The following SYTL3 variants were observed in gnomAD, a reference collection of about 807,000 sequenced individuals.
The protein encoded by SYTL3 is synaptotagmin-like protein 3.
A neutral mutation model predicts 82.1 loss-of-function variants in SYTL3; 88 were observed. The ratio of observed to expected loss-of-function variants is 1.07; its 90% CI spans 0.90 to 1.28. The LOEUF is 1.28. Among genes scored for constraint, SYTL3 ranks in the 50% most tolerant of loss-of-function variants. SYTL3 has a pLI of 0.00. For synonymous variants in SYTL3, 311 were observed against 289.4 expected (o/e 1.07, Z -0.76); for missense variants, 831 against 757.6 (o/e 1.10, Z -1.14).
At position 158,665,432 on chromosome 6, in the gene SYTL3, G is replaced by A; in HGVS notation, c.148G>A (p.Gly50Arg). Reference sequence around the variant, plus strand: ...ACACCTGCAGCATCTCCGGTGGAAAGGAGCGAAGAACACGGACTGGGAGCA... The same window carrying A: ...ACACCTGCAGCATCTCCGGTGGAAAAGAGCGAAGAACACGGACTGGGAGCA... ...KTHLQHLRWK[G>R]AKNTDWEHKE... Residue 50 changes from glycine to arginine, a missense_variant, in exon 5 of 18, where the codon GGA becomes AGA. Gly to Arg is a moderately radical substitution (Grantham distance 125). Transcript: ENST00000611299. 6.2e-7 allele frequency: 1 copy of A among 1,606,792 alleles called. No homozygotes were observed. The highest frequency in any genetic ancestry group is 1.1e-5 in the South Asian group (1 of 89,652).
Position 158,745,545 on chromosome 6 carries a change from T to C in SYTL3, c.921T>C (p.Thr307=). 1 of 1,613,818 alleles carries C rather than the reference T, an allele frequency of 6.2e-7. No individual in the cohort carries two copies. Among genetic ancestry groups the C allele is most frequent in the South Asian group, 1.1e-5 (1 of 91,064 alleles). Residue 307 remains threonine (T), a synonymous_variant, in exon 12 of 18, where the codon ACT becomes ACC. Coordinates refer to ENST00000611299, the MANE Select transcript of SYTL3 (RefSeq NM_001242394.2). Reference sequence around the variant, plus strand: ...GCAATTTTGACAATGCTAATGTCACTGGAGAAATAGAATTTGCCATTCATT... The same window carrying C: ...GCAATTTTGACAATGCTAATGTCACCGGAGAAATAGAATTTGCCATTCATT... ...EMGNFDNANV[T]GEIEFAIHYC...
At chr6:158,729,109 G>C (rs962937309) in intron 11 of SYTL3, among the ~76,000 whole-genome samples, 1 of 152,180 alleles carries the variant, frequency 6.6e-6, no homozygotes, top group South Asian at 2.1e-4. Flanking sequence ...GAATTGTGAC[G>C]CATGGTATAA....
chr6:158,724,797 T>C lies in SYTL3; in HGVS notation c.721-706T>C, dbSNP rs199878172. Among the ~76,000 whole-genome samples the C allele has an allele frequency of 1.8e-4, 28 of 152,328 alleles. No homozygotes were observed. The East Asian group carries it at 5.4e-3, about 29-fold the overall frequency. ...TGGAAGGCTGAGGCATGTGGATCAC[T>C]TGAGGTCAGGAGTTTGAGGTCAGCC... On this transcript the variant is annotated intron_variant, in intron 10 of 17. Coordinates refer to ENST00000611299, the MANE Select transcript of SYTL3 (RefSeq NM_001242394.2).
intron 6 of SYTL3, among the ~76,000 whole-genome samples, chr6:158,689,515 CAAAG>C (rs1378907003): frequency 6.6e-6 from 1 of 152,186 alleles, no homozygotes; most frequent in African/African-American, 2.4e-5. Flanking sequence ...GTTTTTAACA[CAAAG>C]AAGTTTTTTG....
intron 5 of SYTL3, among the ~76,000 whole-genome samples, chr6:158,675,310 C>T (rs761573959): frequency 3.3e-5 from 5 of 152,084 alleles, no homozygotes; most frequent in Admixed American, 2.0e-4. Context: ...GAGAGTTATT[C>T]GTGTTTTGTA....
chr6:158,724,229 C>T (rs1387347903), intron 10 of SYTL3, among the ~76,000 whole-genome samples: 1 of 152,178 alleles, frequency 6.6e-6, no homozygotes, highest in Non-Finnish European at 1.5e-5. Context: ...ACTCTTCCAG[C>T]CCCCAGAATT....
chr6:158,746,005 G>A (rs1041648553), intron 12 of SYTL3, among the ~76,000 whole-genome samples: 1 of 152,110 alleles, frequency 6.6e-6, no homozygotes, highest in South Asian at 2.1e-4. Flanking sequence ...CTGGAGGCTG[G>A]GAAGTCGAAG....
intron 11 of SYTL3, among the ~76,000 whole-genome samples, chr6:158,729,724 G>A (rs928612625): frequency 1.3e-5 from 2 of 151,698 alleles, no homozygotes; most frequent in African/African-American, 4.8e-5. Context: ...CCGCCACCAC[G>A]CCCGGCTAAT....
At chr6:158,678,922 C>T (rs1252583115) in intron 5 of SYTL3, among the ~76,000 whole-genome samples, 1 of 152,218 alleles carries the variant, frequency 6.6e-6, no homozygotes, top group Non-Finnish European at 1.5e-5. Context: ...TTCATAACCT[C>T]ATTCTGATTT....
chr6:158,686,354 C>T (rs1223616949), intron 6 of SYTL3, among the ~76,000 whole-genome samples: 1 of 152,132 alleles, frequency 6.6e-6, no homozygotes, highest in Non-Finnish European at 1.5e-5. Context: ...CAGAAAAGCC[C>T]TAACTTTCCC....
At chr6:158,716,706 C>T (rs780610499) in intron 9 of SYTL3, among the ~76,000 whole-genome samples, 2 of 152,072 alleles carry the variant, frequency 1.3e-5, no homozygotes, top group Non-Finnish European at 2.9e-5. Context: ...CAGGAGAGAA[C>T]GAATACATAG....
chr6:158,673,857 G>A, intron 5 of SYTL3, among the ~76,000 whole-genome samples: 1 of 151,108 alleles, frequency 6.6e-6, no homozygotes. Flanking sequence ...GCCGAGCTGG[G>A]CGGATCACTT....
rs183721296 is a variant in SYTL3 at position 158,675,211 on chromosome 6, A to G, written c.330-7714A>G. 1.8e-3 allele frequency among the ~76,000 whole-genome samples: 280 copies of G among 152,258 alleles called. 4 individuals carry two copies. Among genetic ancestry groups the G allele is most frequent in the African/African-American group, 6.3e-3 (262 of 41,554 alleles). ...TATTCATTCATTCACTGGGGCTGTA[A>G]TGTGCCTGGCCAGAGCTTGTAGCTG... On this transcript the variant is annotated intron_variant, in intron 5 of 17. Transcript: ENST00000611299.
chr6:158,650,777 TAAAA>T (rs11464035), intron 1 of SYTL3, among the ~76,000 whole-genome samples: 1 of 138,280 alleles, frequency 7.2e-6, no homozygotes. Flanking sequence ...ACCCCATCTC[TAAAA>T]AAAAAAAAAA....
intron 6 of SYTL3, among the ~76,000 whole-genome samples, chr6:158,691,676 G>A (rs932103485): frequency 2.0e-5 from 3 of 151,436 alleles, no homozygotes; most frequent in African/African-American, 7.3e-5. Flanking sequence ...TTTTGAGACG[G>A]AGTCTCGCTC....
intron 12 of SYTL3, among the ~76,000 whole-genome samples, chr6:158,746,253 A>G (rs9456350): frequency 0.54 from 82,002 of 151,432 alleles, 23,113 homozygotes; most frequent in African/African-American, 0.61. Flanking sequence ...TTGGTGAGCG[A>G]GGTGGACATA....
At chr6:158,705,085 A>G (rs6927950) in intron 6 of SYTL3, among the ~76,000 whole-genome samples, 506 of 16,974 alleles carry the variant, frequency 0.03, 6 homozygotes, top group African/African-American at 0.033. Context: ...AGTGAGGGCT[A>G]TAAGGCCACA....
intron 5 of SYTL3, among the ~76,000 whole-genome samples, chr6:158,674,951 A>T (rs1777856941): frequency 6.7e-6 from 1 of 148,720 alleles, no homozygotes; most frequent in Non-Finnish European, 1.5e-5. Context: ...TTGGGCCCTC[A>T]GTGTGTGGCC....
At position 158,683,166 on chromosome 6, in the gene SYTL3, C is replaced by T. The variant is rs150980388; in HGVS notation, c.394+177C>T. Reference sequence around the variant, plus strand: ...ATTCACGCTGCTCATTCCCTCTGCTCGCTACTCTTCCCTCTGCTGCATTTC... The same window carrying T: ...ATTCACGCTGCTCATTCCCTCTGCTTGCTACTCTTCCCTCTGCTGCATTTC... On this transcript the variant is annotated intron_variant, in intron 6 of 17. Transcript: ENST00000611299. Among the ~76,000 whole-genome samples the T allele has an allele frequency of 1.4e-3, 216 of 151,292 alleles. 1 individual carries two copies. Among genetic ancestry groups the T allele is most frequent in the East Asian group, 3.5e-3 (18 of 5,144 alleles).
Sources: allele counts gnomAD v4.1 joint callset (sites outside exome capture counted in the v4.1 genomes callset), GRCh38; gene constraint gnomAD v4.1.1; transcripts MANE v1.5; gene names NCBI Gene and HGNC (gene_info 2026-07-23, HGNC 2026-07-21).